GALNTL6: variants seen among roughly 807,000 people sequenced by gnomAD.
GALNTL6 encodes the protein polypeptide N-acetylgalactosaminyltransferase-like 6.
In GALNTL6, 46 loss-of-function variants were observed where a neutral mutation model predicts 73.7. The observed-to-expected ratio is 0.62, with a 90% CI of 0.49 to 0.80. GALNTL6 has a LOEUF of 0.80. Ranked by LOEUF, GALNTL6 falls within the 30% of genes least tolerant of loss-of-function variation. The pLI, the probability that GALNTL6 is intolerant of heterozygous loss-of-function variation, is 0.00. For missense variants in GALNTL6, 604 were observed against 755.0 expected, an observed-to-expected ratio of 0.80 and a Z score of 2.34; for synonymous variants, 259 against 263.7, an observed-to-expected ratio of 0.98 and a Z score of 0.17.
intron 3 of GALNTL6, among the ~76,000 whole-genome samples, chr4:172,261,064 CT>C (rs2111035581): frequency 6.6e-6 from 1 of 151,278 alleles, no homozygotes; most frequent in South Asian, 2.1e-4. Flanking sequence ...CTGTAGTTTT[CT>C]TTTTTTGGTA....
intron 2 of GALNTL6, among the ~76,000 whole-genome samples, chr4:171,848,737 T>C (rs1735442526): frequency 6.6e-6 from 1 of 152,230 alleles, no homozygotes; most frequent in Admixed American, 6.5e-5. Context: ...ACATCTCTTG[T>C]CCTTCATAGC....
intron 2 of GALNTL6, among the ~76,000 whole-genome samples, chr4:172,072,970 G>A (rs1731590364): frequency 6.6e-6 from 1 of 152,040 alleles, no homozygotes; most frequent in South Asian, 2.1e-4. Context: ...AAGACCCAAC[G>A]TGATCTTATA....
chr4:172,787,467 T>C (rs12502339), intron 5 of GALNTL6, among the ~76,000 whole-genome samples: 80,067 of 152,054 alleles, frequency 0.53, 21,799 homozygotes, highest in East Asian at 0.77. Context: ...AAACGCTCAT[T>C]AGGCCCAAAA....
At chr4:172,257,345 C>G (rs1738115025) in intron 3 of GALNTL6, among the ~76,000 whole-genome samples, 2 of 151,260 alleles carry the variant, frequency 1.3e-5, no homozygotes, top group Non-Finnish European at 3.0e-5. Context: ...CAATTTTTAC[C>G]TTTCATGAAA....
At chr4:172,462,829 C>A (rs1732666302) in intron 5 of GALNTL6, among the ~76,000 whole-genome samples, 2 of 152,090 alleles carry the variant, frequency 1.3e-5, no homozygotes, top group African/African-American at 4.8e-5. Flanking sequence ...TTCCTTTCAG[C>A]CTTAGACAGC....
At chr4:172,052,660 A>G in intron 2 of GALNTL6, 2 of 568,884 alleles carry the variant, frequency 3.5e-6, no homozygotes, top group South Asian at 2.5e-5. Context: ...TTCTTTTGTG[A>G]TCACTTTTGC....
At chr4:171,987,919 A>G (rs1740156026) in intron 2 of GALNTL6, among the ~76,000 whole-genome samples, 1 of 152,220 alleles carries the variant, frequency 6.6e-6, no homozygotes, top group African/African-American at 2.4e-5. Context: ...TCGGGATTAA[A>G]GTCCAGGCCA....
intron 2 of GALNTL6, among the ~76,000 whole-genome samples, chr4:172,030,861 C>A (rs1050165977): frequency 1.4e-4 from 22 of 151,742 alleles, no homozygotes; most frequent in African/African-American, 5.3e-4. Context: ...TATAATTTTA[C>A]AGCATCTGGA....
At chr4:172,569,412 T>TG (rs1736680717) in intron 5 of GALNTL6, among the ~76,000 whole-genome samples, 2 of 152,142 alleles carry the variant, frequency 1.3e-5, no homozygotes, top group Non-Finnish European at 2.9e-5. Context: ...TACGTTATTT[T>TG]GGGGGGACAC....
Position 171,918,619 on chromosome 4 carries a change from A to G in GALNTL6, c.138+103901A>G, listed in dbSNP as rs779494337. ...AAAAATTTTAAAATAAAATTACCAT[A>G]TGATCCAGCAATCTTACTTCTGGGT... On this transcript the variant is annotated intron_variant, in intron 2 of 12. Transcript: ENST00000506823. 7.9e-5 allele frequency among the ~76,000 whole-genome samples: 12 copies of G among 152,172 alleles called. 1 individual carries two copies. Among genetic ancestry groups the G allele is most frequent in the Non-Finnish European group, 1.2e-4 (8 of 68,022 alleles).
chr4:172,394,548 C>T lies in GALNTL6; in HGVS notation c.553+45859C>T, dbSNP rs564888426. Among the ~76,000 whole-genome samples the T allele has an allele frequency of 2.0e-4, 30 of 150,232 alleles. 1 individual carries two copies. The Middle Eastern group carries it at 0.01, about 52-fold the overall frequency. On this transcript the variant is annotated intron_variant, in intron 5 of 12. Transcript: ENST00000506823. ...CCAGGTTCAAGGGATTCTCCTGCTT[C>T]AGCCTCCTGAGTAGCTGGGGCCACA...
chr4:172,073,671 GTAAT>G (rs1440809271), intron 2 of GALNTL6, among the ~76,000 whole-genome samples: 3 of 152,198 alleles, frequency 2.0e-5, no homozygotes, highest in Admixed American at 6.5e-5. Context: ...TGAAGCAGTG[GTAAT>G]TAATTAAGGA....
intron 5 of GALNTL6, among the ~76,000 whole-genome samples, chr4:172,745,449 A>G (rs1283878476): frequency 1.3e-5 from 2 of 151,384 alleles, no homozygotes; most frequent in Non-Finnish European, 2.9e-5. Context: ...ATATATGTAC[A>G]CATAACTTTT....
intron 7 of GALNTL6, among the ~76,000 whole-genome samples, chr4:172,861,813 C>T (rs942915741): frequency 6.6e-6 from 1 of 152,230 alleles, no homozygotes; most frequent in African/African-American, 2.4e-5. Context: ...CATGACTTTG[C>T]TCCTCATTTG....
chr4:172,397,555 TC>T (rs1379262393), intron 5 of GALNTL6, among the ~76,000 whole-genome samples: 6 of 140,054 alleles, frequency 4.3e-5, no homozygotes, highest in Admixed American at 3.0e-4. Context: ...AATAAGTATC[TC>T]ATTTATTTAT....
chr4:172,177,804 C>CGTGT (rs1560955567), intron 2 of GALNTL6, among the ~76,000 whole-genome samples: 4 of 129,262 alleles, frequency 3.1e-5, no homozygotes, highest in African/African-American at 1.6e-4. Flanking sequence ...TATATACACA[C>CGTGT]ACATATATGT....
intron 2 of GALNTL6, among the ~76,000 whole-genome samples, chr4:171,921,603 G>A (rs903275354): frequency 2.0e-5 from 3 of 152,080 alleles, no homozygotes; most frequent in African/African-American, 4.8e-5. Flanking sequence ...GGGAAAAGCT[G>A]CAGAAATTTA....
At chr4:172,393,243 C>G (rs1743730456) in intron 5 of GALNTL6, among the ~76,000 whole-genome samples, 1 of 152,004 alleles carries the variant, frequency 6.6e-6, no homozygotes, top group African/African-American at 2.4e-5. Flanking sequence ...AGTGTCTATC[C>G]CTTAGGAGAA....
chr4:172,350,867 G>T (rs1430708368), intron 5 of GALNTL6, among the ~76,000 whole-genome samples: 3 of 152,040 alleles, frequency 2.0e-5, no homozygotes, highest in Admixed American at 2.0e-4. Flanking sequence ...TGAATTATGA[G>T]AACTATAAAT....
Sources: allele counts gnomAD v4.1 joint callset (sites outside exome capture counted in the v4.1 genomes callset), GRCh38; gene constraint gnomAD v4.1.1; transcripts MANE v1.5; gene names NCBI Gene and HGNC (gene_info 2026-07-23, HGNC 2026-07-21).